Variants in ANKHD1 observed in about 807,000 individuals in gnomAD.
ANKHD1 encodes ankyrin repeat and KH domain-containing protein 1.
ANKHD1 carries 31 observed loss-of-function variants against 230.5 expected under a neutral mutation model. That is an observed-to-expected ratio of 0.13 (90% confidence interval 0.10 to 0.18). The LOEUF (loss-of-function observed/expected upper bound fraction) is 0.18. Ranked by LOEUF, ANKHD1 falls within the 10% of genes least tolerant of loss-of-function variation. The pLI is 1.00. For missense variants in ANKHD1, 2,256 were observed against 3,071.3 expected (o/e 0.73, Z 6.27); for synonymous variants, 1,074 against 1,117.6 (o/e 0.96, Z 0.78).
rs1753685528 is a variant in ANKHD1, at chr5:140,528,200, A to G, written c.5254A>G (p.Thr1752Ala). ...TTCCCTTAGGGGTGGCACAGAATCAACAAGATATGCAGTTCAACTAATCAA... is the reference window on the plus strand; with the variant it reads ...TTCCCTTAGGGGTGGCACAGAATCAGCAAGATATGCAGTTCAACTAATCAA... ...MITIRGGTES[T>A]RYAVQLINAL... Residue 1752 changes from threonine (T) to alanine (A), a missense_variant, in exon 29 of 34, where the codon ACA (threonine) becomes GCA (alanine). Thr to Ala is a moderately conservative substitution (Grantham distance 58, BLOSUM62 0). This residue lies in a region of ANKHD1 where 23 missense variants were observed against 59.9 expected (regional missense o/e 0.38). Coordinates refer to ENST00000360839, the MANE Select transcript of ANKHD1 (RefSeq NM_017747.3). 6.2e-7 allele frequency: 1 copy of G among 1,607,078 alleles called. No individual in the cohort carries two copies. The highest frequency in any genetic ancestry group is 1.7e-5 in the Admixed American group (1 of 59,188).
intron 22 of ANKHD1, among the ~76,000 whole-genome samples, chr5:140,511,993 T>A (rs566486993): frequency 6.6e-6 from 1 of 152,272 alleles, no homozygotes; most frequent in African/African-American, 2.4e-5. Context: ...CCCAGCACTT[T>A]GGGAGGCCGA....
chr5:140,513,201 G>A (rs977974451), intron 23 of ANKHD1, among the ~76,000 whole-genome samples, 162 bp from the exon 24 acceptor site: 1 of 152,150 alleles, frequency 6.6e-6, no homozygotes. Flanking sequence ...TTAGGGAAAT[G>A]GTGTCTTATT....
In ANKHD1 at chr5:140,539,022, C is replaced by T; in HGVS notation, c.7508C>T (p.Pro2503Leu). 6.2e-7 allele frequency: 1 copy of T among 1,612,982 alleles called. No homozygotes were observed. The highest frequency in any genetic ancestry group is 1.3e-5 in the African/African-American group (1 of 74,992). Reference sequence around the variant, plus strand: ...TTTAATGGACTTCACAATCCAGATCCTGCTTGGAACCCTATGATAAAAGTT... The same window carrying T: ...TTTAATGGACTTCACAATCCAGATCTTGCTTGGAACCCTATGATAAAAGTT... ...PLFNGLHNPDPAWNPMIKVIQ... is the reference protein window; with the variant it reads ...PLFNGLHNPDLAWNPMIKVIQ... The change falls in exon 33 of 34, where the codon CCT becomes CTT. Residue 2503 changes from proline to leucine, a missense_variant. By Grantham distance (98) the Pro-to-Leu change is moderately conservative. Coordinates refer to ENST00000360839, the MANE Select transcript of ANKHD1 (RefSeq NM_017747.3).
rs186941047 is a variant in ANKHD1 at position 140,469,918 on chromosome 5, C to T, written c.1782+5142C>T. On this transcript the variant is annotated intron_variant, in intron 10 of 33. Transcript: ENST00000360839. ...ATGATTCCTGAATTCCTCAACTTGACTTATCTGTTGGCTGGCTAGTACTGG... is the reference window on the plus strand; with the variant it reads ...ATGATTCCTGAATTCCTCAACTTGATTTATCTGTTGGCTGGCTAGTACTGG... Among the ~76,000 whole-genome samples the T allele has an allele frequency of 1.8e-4, 27 of 152,032 alleles. No homozygotes were observed. In the East Asian group the frequency reaches 5.2e-3, roughly 29 times the overall value.
intron 24 of ANKHD1, among the ~76,000 whole-genome samples, chr5:140,516,284 T>A (rs1753005977): frequency 6.6e-6 from 1 of 151,900 alleles, no homozygotes; most frequent in South Asian, 2.1e-4. Context: ...CTCCAAGAAA[T>A]ATGGGACTAT....
intron 25 of ANKHD1, among the ~76,000 whole-genome samples, chr5:140,524,639 TAGAGATGGGTTTAGTACTCTCAA>T (rs1258516636): frequency 6.6e-6 from 1 of 152,176 alleles, no homozygotes; most frequent in Non-Finnish European, 1.5e-5. Flanking sequence ...GAAATGTCAG[TAGAGATGGGTTTAGTACTCTCAA>T]AGAGTTATTT....
chr5:140,489,629 A>C (rs1206580866), intron 14 of ANKHD1, among the ~76,000 whole-genome samples: 3 of 152,372 alleles, frequency 2.0e-5, no homozygotes, highest in Non-Finnish European at 4.4e-5. Context: ...TGATTTTTTA[A>C]GTTTATACTC....
intron 24 of ANKHD1, among the ~76,000 whole-genome samples, chr5:140,523,630 G>A (rs1413933546): frequency 6.7e-6 from 1 of 149,966 alleles, no homozygotes; most frequent in African/African-American, 2.5e-5. Context: ...CCATGATCTC[G>A]GCTCATTGCA....
intron 10 of ANKHD1, among the ~76,000 whole-genome samples, chr5:140,475,542 AAAAAC>A (rs565334280): frequency 2.9e-4 from 44 of 152,106 alleles, no homozygotes; most frequent in East Asian, 5.8e-4. Flanking sequence ...GTTGTATGTA[AAAAAC>A]AAAACAAAAC....
At chr5:140,436,954 T>C (rs761062258) in intron 2 of ANKHD1, among the ~76,000 whole-genome samples, 1 of 152,204 alleles carries the variant, frequency 6.6e-6, no homozygotes, top group Non-Finnish European at 1.5e-5. Flanking sequence ...TTATATGTAA[T>C]GCATATTATA....
rs540174087 is a variant in ANKHD1 at position 140,472,734 on chromosome 5, C to T, written c.1782+7958C>T. Among the ~76,000 whole-genome samples, 7 of 152,020 alleles carry T rather than the reference C, an allele frequency of 4.6e-5. No individual in the cohort carries two copies. In the South Asian group the frequency reaches 1.0e-3, roughly 23 times the overall value. ...AAACAAAAAAATTAGTTTAGCAAAACGTTTACTATATAGTTTATGCCCTAA... is the reference window on the plus strand; with the variant it reads ...AAACAAAAAAATTAGTTTAGCAAAATGTTTACTATATAGTTTATGCCCTAA... On this transcript the variant is annotated intron_variant, in intron 10 of 33. Transcript: ENST00000360839.
rs757585535 is a variant in ANKHD1 at position 140,485,191 on chromosome 5, C to G, written c.1941C>G (p.His647Gln). ...TGTCGCTGGCATGTGCAGGAGGCCA[C>G]CTGGCAGTTGTTGAGCTTCTCTTGG... ...TVVSLACAGG[H>Q]LAVVELLLAH... is the part of the protein sequence containing the mutation. Residue 647 changes from histidine to glutamine, a missense_variant, in exon 12 of 34, where the codon CAC (histidine) becomes CAG (glutamine). Around this residue, in one of 13 missense-constraint regions of ANKHD1, gnomAD observed 2 missense variants for 17.8 expected, o/e 0.11. Coordinates refer to ENST00000360839, the MANE Select transcript of ANKHD1 (RefSeq NM_017747.3). The surrounding 1 kb of genome is among the most constrained non-coding windows in gnomAD (Gnocchi z 4.8). 1 of 1,613,832 alleles carries G rather than the reference C, an allele frequency of 6.2e-7. No homozygotes were observed. The highest frequency in any genetic ancestry group is 1.1e-5 in the South Asian group (1 of 91,060).
chr5:140,416,520 CT>C (rs1771407169), intron 1 of ANKHD1, among the ~76,000 whole-genome samples: 1 of 152,308 alleles, frequency 6.6e-6, no homozygotes, highest in East Asian at 1.9e-4. Context: ...AGTGGGTTTA[CT>C]TTCTTGACTC....
intron 5 of ANKHD1, 121 bp from the exon 6 acceptor site, chr5:140,445,621 G>A: frequency 3.1e-6 from 3 of 960,688 alleles, no homozygotes; most frequent in Non-Finnish European, 2.7e-6. Flanking sequence ...TAGAGCATTA[G>A]CATAATCATA....
At chr5:140,479,731 GGTATATATATATACT>G (rs1751168274) in intron 10 of ANKHD1, among the ~76,000 whole-genome samples, 1 of 77,110 alleles carries the variant, frequency 1.3e-5, no homozygotes, top group Non-Finnish European at 3.0e-5. Flanking sequence ...TACATACATA[GGTATATATATATACT>G]TATATATATA....
rs201062330 is a variant in ANKHD1, at chr5:140,506,951, T to C, written c.3525T>C (p.Leu1175=). 161 of 1,613,850 alleles carry C rather than the reference T, an allele frequency of 1.0e-4. No homozygotes were observed. Among genetic ancestry groups the C allele is most frequent in the Non-Finnish European group, 1.2e-4 (136 of 1,179,964 alleles). Residue 1175 remains leucine (L), a synonymous_variant, in exon 19 of 34, where the codon CTT becomes CTC. Coordinates refer to ENST00000360839, the MANE Select transcript of ANKHD1 (RefSeq NM_017747.3). The surrounding 1 kb of genome is among the most constrained non-coding windows in gnomAD (Gnocchi z 4.7). ...ATGTTAATATCATTAAGATTCTGCT[T>C]AATGCTGGGGCAGAAATTAATTCAA... ...GGYVNIIKIL[L]NAGAEINSRT...
At chr5:140,489,373 C>G (rs962539224) in intron 14 of ANKHD1, among the ~76,000 whole-genome samples, 3 of 151,872 alleles carry the variant, frequency 2.0e-5, no homozygotes, top group South Asian at 2.1e-4. Flanking sequence ...GCCTGTAGTC[C>G]CAGCTACTCA....
chr5:140,483,613 A>G (rs1277023320), intron 11 of ANKHD1, among the ~76,000 whole-genome samples: 1 of 151,856 alleles, frequency 6.6e-6, no homozygotes, highest in Non-Finnish European at 1.5e-5. Flanking sequence ...ATGCACCACC[A>G]TGCACGGCTA....
chr5:140,496,456 C>CTTTTCT, intron 14 of ANKHD1, 64 bp from the exon 15 acceptor site: 3 of 875,154 alleles, frequency 3.4e-6, no homozygotes, highest in Non-Finnish European at 2.9e-6. Flanking sequence ...TTTTTTTTTT[C>CTTTTCT]TTTTCTTTTT....
Sources: gnomAD v4.1 joint callset for allele counts (sites outside exome capture counted in the v4.1 genomes callset) on GRCh38, gnomAD v4.1.1 for gene constraint, gnomAD v4.1.1 regional missense constraint, Gnocchi (gnomAD v3.1) non-coding constraint, MANE v1.5 for transcripts, NCBI Gene and HGNC (gene_info 2026-07-23, HGNC 2026-07-21) for gene names.